The following NFILZ variants were observed in gnomAD, a reference collection of about 807,000 sequenced individuals.
NFILZ encodes NFIL3 like protein.
At chr19:8,669,923 G>C (rs556075554) in intron 3 of NFILZ, among the ~76,000 whole-genome samples, 116 of 152,282 alleles carry the variant, frequency 7.6e-4, no homozygotes, top group Non-Finnish European at 1.4e-3. Flanking sequence ...TGGGAATAGG[G>C]AAATGTCAGT....
At chr19:8,634,155 G>A (rs1422859561) in intron 2 of NFILZ, among the ~76,000 whole-genome samples, 1 of 151,782 alleles carries the variant, frequency 6.6e-6, no homozygotes, top group African/African-American at 2.4e-5. Context: ...GTGCTATCAT[G>A]CCCAGCTGAT....
intron 3 of NFILZ, among the ~76,000 whole-genome samples, chr19:8,664,912 A>G (rs1892358659): frequency 1.3e-5 from 2 of 152,002 alleles, no homozygotes; most frequent in South Asian, 4.1e-4. Context: ...CTCATTACCT[A>G]TCAAGGCAAC....
In NFILZ at chr19:8,678,046, A is replaced by ATTTG. The variant is rs2043120795; in HGVS notation, c.*412_*413insTTGT. 2.4e-5 allele frequency among the ~76,000 whole-genome samples: 1 copy of ATTTG among 41,448 alleles called. No homozygotes were observed. Among genetic ancestry groups the ATTTG allele is most frequent in the Non-Finnish European group, 5.0e-5 (1 of 19,984 alleles). 27.2% of individuals were successfully genotyped at this position (41,448 alleles called of 152,430 possible). On this transcript the variant is annotated 3_prime_UTR_variant, in exon 6 of 6. Coordinates refer to ENST00000691075, the MANE Select transcript of NFILZ (RefSeq NM_001378600.1). ...TATCCATCTATCCATCCATCCATCC[A>ATTTG]TCCATCCACCCATCTATTCATCCAT...
chr19:8,648,158 C>CGA (rs1257039273), intron 3 of NFILZ, among the ~76,000 whole-genome samples: 1 of 112,468 alleles, frequency 8.9e-6, no homozygotes, highest in Admixed American at 1.4e-4. Context: ...TGGGCATGAG[C>CGA]GAGACTCCGT....
At chr19:8,645,804 C>T (rs1193167409) in intron 3 of NFILZ, among the ~76,000 whole-genome samples, 1 of 152,098 alleles carries the variant, frequency 6.6e-6, no homozygotes, top group Non-Finnish European at 1.5e-5. Flanking sequence ...GGAGAGGCAC[C>T]AGAGCCTTGG....
At chr19:8,661,294 T>G (rs554344111) in intron 3 of NFILZ, among the ~76,000 whole-genome samples, 10 of 151,248 alleles carry the variant, frequency 6.6e-5, no homozygotes, top group Non-Finnish European at 1.0e-4. Context: ...TCCCAAGTAG[T>G]TGGAACTACA....
intron 3 of NFILZ, among the ~76,000 whole-genome samples, chr19:8,653,467 C>T (rs1330963142): frequency 1.3e-5 from 2 of 152,050 alleles, no homozygotes; most frequent in Non-Finnish European, 2.9e-5. Context: ...GAAAAATGAT[C>T]CCAGCTGGTG....
chr19:8,647,769 A>G (rs1390017627), intron 3 of NFILZ, among the ~76,000 whole-genome samples: 1 of 136,558 alleles, frequency 7.3e-6, no homozygotes, highest in Non-Finnish European at 1.5e-5. Context: ...ACACACACAC[A>G]CGCACACATG....
At chr19:8,630,941 C>T (rs1312047729) in intron 1 of NFILZ, among the ~76,000 whole-genome samples, 197 bp downstream of exon 1, 1 of 152,116 alleles carries the variant, frequency 6.6e-6, no homozygotes, top group Non-Finnish European at 1.5e-5. Context: ...TTAATTGGGG[C>T]CTTGGATGCC....
chr19:8,655,326 C>T (rs1410746521), intron 3 of NFILZ, among the ~76,000 whole-genome samples: 1 of 152,164 alleles, frequency 6.6e-6, no homozygotes, highest in African/African-American at 2.4e-5. Flanking sequence ...TTAGCTGTGG[C>T]CAGCTCAGAC....
chr19:8,649,119 C>T (rs2042954448), intron 3 of NFILZ, among the ~76,000 whole-genome samples: 1 of 151,878 alleles, frequency 6.6e-6, no homozygotes, highest in African/African-American at 2.4e-5. Flanking sequence ...GGCACCACCA[C>T]ACCTGGCTGA....
intron 3 of NFILZ, among the ~76,000 whole-genome samples, chr19:8,644,772 C>CTTTT (rs5827010): frequency 2.0e-5 from 3 of 146,764 alleles, no homozygotes; most frequent in African/African-American, 7.5e-5. Context: ...AGCCAGATGA[C>CTTTT]TTTTTTTTTT....
At chr19:8,654,221 A>T (rs1406848903) in intron 3 of NFILZ, among the ~76,000 whole-genome samples, 2 of 150,392 alleles carry the variant, frequency 1.3e-5, no homozygotes, top group Non-Finnish European at 3.0e-5. Flanking sequence ...AACAAGAGTG[A>T]AATTCTGTCT....
chr19:8,631,940 G>A (rs1404113842), intron 1 of NFILZ, among the ~76,000 whole-genome samples: 1 of 151,530 alleles, frequency 6.6e-6, no homozygotes, highest in Non-Finnish European at 1.5e-5. Flanking sequence ...CTCGATCTCA[G>A]CTCACTGCAA....
chr19:8,652,921 CTTCTCTCTCTCT>C (rs1347336163), intron 3 of NFILZ, among the ~76,000 whole-genome samples: 5 of 137,256 alleles, frequency 3.6e-5, no homozygotes, highest in African/African-American at 1.3e-4. Context: ...CTCTCTCTCT[CTTCTCTCTCTCT>C]TTCTCTCTTT....
chr19:8,668,110 C>T (rs994727474), intron 3 of NFILZ, among the ~76,000 whole-genome samples: 46 of 151,962 alleles, frequency 3.0e-4, no homozygotes, highest in African/African-American at 1.0e-3. Context: ...GCCACCGTAC[C>T]CAGCTAATTT....
intron 3 of NFILZ, among the ~76,000 whole-genome samples, chr19:8,644,772 CT>C (rs5827010): frequency 1.0e-3 from 146 of 146,542 alleles, no homozygotes; most frequent in Middle Eastern, 7.0e-3. Flanking sequence ...AGCCAGATGA[CT>C]TTTTTTTTTT....
At chr19:8,638,085 C>G (rs1478807071) in intron 3 of NFILZ, among the ~76,000 whole-genome samples, 1 of 152,002 alleles carries the variant, frequency 6.6e-6, no homozygotes, top group Non-Finnish European at 1.5e-5. Flanking sequence ...TCAGTAGATG[C>G]TATGGGAAGT....
At chr19:8,647,789 G>GCACACACACACA (rs1305749598) in intron 3 of NFILZ, among the ~76,000 whole-genome samples, 2 of 107,934 alleles carry the variant, frequency 1.9e-5, no homozygotes, top group African/African-American at 7.8e-5. Flanking sequence ...GCGCGCGCGC[G>GCACACACACACA]CGCGCGCACA....
Sources: allele counts gnomAD v4.1 joint callset (sites outside exome capture counted in the v4.1 genomes callset), GRCh38; gene constraint gnomAD v4.1.1; transcripts MANE v1.5; gene names NCBI Gene and HGNC (gene_info 2026-07-23, HGNC 2026-07-21).